The following TTN variants were observed in gnomAD, a reference collection of about 807,000 sequenced individuals.
The protein encoded by TTN is connectin.
Under a neutral mutation model 3,223.0 loss-of-function variants are expected in TTN, and 1,525 were observed. The ratio of observed to expected loss-of-function variants is 0.47; its 90% CI spans 0.45 to 0.49. TTN has a LOEUF of 0.49. Among genes scored for constraint, TTN ranks in the 20% least tolerant of loss-of-function variants. The probability of loss-of-function intolerance (pLI) is 0.00; values close to 1 mark genes in which losing one functional copy is unlikely to be tolerated. For missense variants in TTN, 40,786 were observed against 43,424.0 expected, an observed-to-expected ratio of 0.94 and a Z score of 5.40; for synonymous variants, 14,094 against 15,161.0, an observed-to-expected ratio of 0.93 and a Z score of 5.17.
intron 242 of TTN, among the ~76,000 whole-genome samples, chr2:178,624,050 C>A (rs1269941750): frequency 6.6e-6 from 1 of 151,822 alleles, no homozygotes; most frequent in Non-Finnish European, 1.5e-5. Context: ...CTAGTTGTTC[C>A]CCACACCTGA....
chr2:178,551,027 C>T lies in TTN; in HGVS notation c.91504G>A (p.Val30502Ile), dbSNP rs745705323. Residue 30502 changes from valine to isoleucine, a missense_variant, in exon 336 of 363, where the codon GTT becomes ATT. Physicochemically the swap from Val to Ile is conservative, Grantham distance 29 (BLOSUM62 3). Coordinates refer to ENST00000589042, the MANE Select transcript of TTN (RefSeq NM_001267550.2). ...YEFRIIARNA[V>I]GTISPPSQSS... Reference sequence around the variant, plus strand: ...TGTGAGGGCGGGCTTATAGTTCCAACAGCATTTCTTGCAATTATTCTGAAC... The same window carrying T: ...TGTGAGGGCGGGCTTATAGTTCCAATAGCATTTCTTGCAATTATTCTGAAC... 1 of 1,613,444 alleles carries T rather than the reference C, an allele frequency of 6.2e-7. No individual in the cohort carries two copies. The highest frequency in any genetic ancestry group is 8.5e-7 in the Non-Finnish European group (1 of 1,179,640).
intron 13 of TTN, among the ~76,000 whole-genome samples, chr2:178,788,668 A>G (rs2093333030): frequency 6.6e-6 from 1 of 152,120 alleles, no homozygotes; most frequent in Non-Finnish European, 1.5e-5. Context: ...GCTCATTTGG[A>G]GTAAATGACA....
intron 326 of TTN, chr2:178,558,952 A>G (rs564974422): frequency 2.6e-6 from 1 of 391,050 alleles, no homozygotes; most frequent in African/African-American, 2.1e-5. Flanking sequence ...CTTTATATAC[A>G]ATTTCTGTAC....
Position 178,537,720 on chromosome 2 carries a change from C to A in TTN, c.99487G>T (p.Glu33163Ter). 1 of 1,613,798 alleles carries A rather than the reference C, an allele frequency of 6.2e-7. No homozygotes were observed. The highest frequency in any genetic ancestry group is 8.5e-7 in the Non-Finnish European group (1 of 1,179,778). The change falls in exon 355 of 363, where the codon GAG becomes TAG. Residue 33163 changes from glutamate (E) to a stop codon, truncating the protein, a stop_gained. Coordinates refer to ENST00000589042, the MANE Select transcript of TTN (RefSeq NM_001267550.2). LOFTEE classifies it high-confidence loss of function. Reference protein sequence around the residue: ...GRTHTLTVMTEEQEDEGVYTC... With the variant: ...GRTHTLTVMT ...TAAACACCTTCATCTTCCTGTTCCT[C>A]TGTCATTACTGTAAGAGTGTGTGTG...
intron 13 of TTN, among the ~76,000 whole-genome samples, chr2:178,788,167 C>G (rs1479993790): frequency 2.6e-5 from 4 of 152,032 alleles, no homozygotes; most frequent in Admixed American, 6.6e-5. Context: ...CTTTTCACCT[C>G]CATAGCATCA....
At chr2:178,621,042 TAAATAC>T (rs770908954) in intron 246 of TTN, 49 bp from the exon 247 acceptor site, 14 of 1,604,376 alleles carry the variant, frequency 8.7e-6, no homozygotes, top group East Asian at 4.5e-5. Context: ...ATCAAAGTGG[TAAATAC>T]AAATACAAAA....
intron 94 of TTN, 49 bp downstream of exon 94, chr2:178,712,648 A>G (rs750063978): frequency 6.2e-7 from 1 of 1,606,792 alleles, no homozygotes. Context: ...ACAGACAAAG[A>G]CACATCTAAT....
In TTN at chr2:178,771,423, T is replaced by C. The variant is rs773524537; in HGVS notation, c.7904A>G (p.Gln2635Arg). ...AACTTCACATTCAAACACAGCTTCCTGGGATTCAGCTACGGTCTGATCTGT... is the reference window on the plus strand; with the variant it reads ...AACTTCACATTCAAACACAGCTTCCCGGGATTCAGCTACGGTCTGATCTGT... Reference protein sequence around the residue: ...PLTDQTVAESQEAVFECEVAN... With the variant: ...PLTDQTVAESREAVFECEVAN... Residue 2635 changes from glutamine (Q) to arginine (R), a missense_variant, in exon 34 of 363, where the codon CAG (glutamine) becomes CGG (arginine). Coordinates refer to ENST00000589042, the MANE Select transcript of TTN (RefSeq NM_001267550.2). 1 of 1,614,004 alleles carries C rather than the reference T, an allele frequency of 6.2e-7. No homozygotes were observed. Among genetic ancestry groups the C allele is most frequent in the Non-Finnish European group, 8.5e-7 (1 of 1,179,890 alleles).
At position 178,559,598 on chromosome 2, in the gene TTN, G is replaced by T; in HGVS notation, c.86534C>A (p.Thr28845Asn). 1 of 1,613,800 alleles carries T rather than the reference G, an allele frequency of 6.2e-7. No individual in the cohort carries two copies. The highest frequency in any genetic ancestry group is 1.1e-5 in the South Asian group (1 of 91,078). The change falls in exon 326 of 363, where the codon ACC (threonine) becomes AAC (asparagine). Residue 28845 changes from threonine to asparagine, a missense_variant. Coordinates refer to ENST00000589042, the MANE Select transcript of TTN (RefSeq NM_001267550.2). Reference sequence around the variant, plus strand: ...AGTAATGTTGGTTGGAGGACCTGGGGTATCTAAAACTTTGACAACTAAGGT... The same window carrying T: ...AGTAATGTTGGTTGGAGGACCTGGGTTATCTAAAACTTTGACAACTAAGGT... Reference protein sequence around the residue: ...SLTLVVKVLDTPGPPTNITVQ... With the variant: ...SLTLVVKVLDNPGPPTNITVQ...
intron 337 of TTN, 36 bp from the exon 338 acceptor site, chr2:178,549,905 C>T: frequency 9.8e-6 from 15 of 1,538,272 alleles, no homozygotes; most frequent in Non-Finnish European, 1.1e-5. Context: ...GTTTCTTTTT[C>T]CTTGTCCATT....
Position 178,645,900 on chromosome 2 carries a change from T to C in TTN, c.40408+20A>G, listed in dbSNP as rs750616546. On this transcript the variant is annotated intron_variant, in intron 217 of 362. Coordinates refer to ENST00000589042, the MANE Select transcript of TTN (RefSeq NM_001267550.2). ...AAGTTTGAAGCAGGCTAATAAAACT[T>C]TGGAAGTGGCATTTTTTACCTTTAA... The C allele has an allele frequency of 2.5e-5, 37 of 1,481,214 alleles. No individual in the cohort carries two copies. The highest frequency in any genetic ancestry group is 3.1e-5 in the Non-Finnish European group (34 of 1,100,600). The allele number at this position is 1,481,214 out of a possible 1,614,324, so 91.8% of individuals were successfully genotyped here.
rs199506676 is a variant in TTN, at chr2:178,577,602, C to G, written c.68824G>C (p.Glu22942Gln). Residue 22942 changes from glutamate (E) to glutamine (Q), a missense_variant and splice_region_variant, in exon 323 of 363, where the codon GAG becomes CAG. Coordinates refer to ENST00000589042, the MANE Select transcript of TTN (RefSeq NM_001267550.2). ...TETIICKDEY[E>Q]APTIVLDPTI... ...TACATAAAAAGTAAAATGGACCTACCGTATTCATCCTTGCAAATAATGGTT... is the reference window on the plus strand; with the variant it reads ...TACATAAAAAGTAAAATGGACCTACGGTATTCATCCTTGCAAATAATGGTT... 1 of 1,589,886 alleles carries G rather than the reference C, an allele frequency of 6.3e-7. No homozygotes were observed. Among genetic ancestry groups the G allele is most frequent in the Non-Finnish European group, 8.6e-7 (1 of 1,169,266 alleles).
In TTN at chr2:178,646,389, G is replaced by A. The variant is rs1576878784; in HGVS notation, c.40297+96C>T. On this transcript the variant is annotated intron_variant, in intron 216 of 362. Coordinates refer to ENST00000589042, the MANE Select transcript of TTN (RefSeq NM_001267550.2). ...ACAAAGAATACTTTACATACAAATG[G>A]GAACAGACATACTACATATGTACAA... is the stretch of plus-strand genomic sequence containing the variant. 1.2e-5 allele frequency: 9 copies of A among 766,432 alleles called. No individual in the cohort carries two copies. In the East Asian group the frequency reaches 2.5e-4, roughly 21 times the overall value. The allele number at this position is 766,432 out of a possible 1,614,324, so 47.5% of individuals were successfully genotyped here.
At chr2:178,689,237 A>C in intron 124 of TTN, 53 bp downstream of exon 124, 1 of 1,600,218 alleles carries the variant, frequency 6.2e-7, no homozygotes, top group Non-Finnish European at 8.5e-7. Context: ...TCACAAAACT[A>C]ACAAAATCAC....
At chr2:178,724,680 A>ATCACAC in intron 71 of TTN, 142 bp from the exon 72 acceptor site, 1 of 726,772 alleles carries the variant, frequency 1.4e-6, no homozygotes, top group Non-Finnish European at 1.9e-6. Context: ...TGATTCCATA[A>ATCACAC]TTACATGCAG....
At chr2:178,754,301 A>G (rs1259238449) in intron 46 of TTN, among the ~76,000 whole-genome samples, 1 of 152,176 alleles carries the variant, frequency 6.6e-6, no homozygotes, top group African/African-American at 2.4e-5. Context: ...CCTATGTCAA[A>G]TAATTAGACA....
rs1461107898 is a variant in TTN at position 178,767,927 on chromosome 2, A to G, written c.9306-3T>C. On this transcript the variant is annotated splice_polypyrimidine_tract_variant and splice_region_variant and intron_variant, in intron 39 of 362. Transcript: ENST00000589042. Reference sequence around the variant, plus strand: ...ATTTCTCCTTCTGAATCTTTATTCTATGGATGAAATGGAAATTCGAGTTTA... The same window carrying G: ...ATTTCTCCTTCTGAATCTTTATTCTGTGGATGAAATGGAAATTCGAGTTTA... The G allele has an allele frequency of 6.2e-6, 10 of 1,614,064 alleles. No homozygotes were observed. The highest frequency in any genetic ancestry group is 8.5e-6 in the Non-Finnish European group (10 of 1,179,984).
intron 151 of TTN, 95 bp from the exon 152 acceptor site, chr2:178,673,805 T>C: frequency 1.1e-6 from 1 of 914,286 alleles, no homozygotes; most frequent in Non-Finnish European, 1.7e-6. Flanking sequence ...AACATTGACT[T>C]ATTTTTAAAA....
intron 47 of TTN, chr2:178,748,115 G>A: frequency 6.2e-7 from 1 of 1,613,158 alleles, no homozygotes; most frequent in Admixed American, 1.7e-5. Flanking sequence ...ATGTGAGATG[G>A]AACTTCTGCC....
Sources: gnomAD v4.1 joint callset for allele counts (sites outside exome capture counted in the v4.1 genomes callset) on GRCh38, gnomAD v4.1.1 for gene constraint, MANE v1.5 for transcripts, NCBI Gene and HGNC (gene_info 2026-07-23, HGNC 2026-07-21) for gene names.